The following EXO5 variants were observed in gnomAD, a reference collection of about 807,000 sequenced individuals.
EXO5 encodes the protein exonuclease 5.
EXO5 carries 11 observed loss-of-function variants against 17.8 expected under a neutral mutation model. The observed-to-expected ratio is 0.62, with a 90% CI of 0.39 to 1.02. The LOEUF (loss-of-function observed/expected upper bound fraction) is 1.02, where lower values mean the gene tolerates loss of function less well. Among genes scored for constraint, EXO5 ranks in the 50% least tolerant of loss-of-function variants. The pLI is 0.00. For missense variants in EXO5, 364 were observed against 434.8 expected, an observed-to-expected ratio of 0.84 and a Z score of 1.45; for synonymous variants, 147 against 166.5, an observed-to-expected ratio of 0.88 and a Z score of 0.90.
At chr1:40,513,840 C>T (rs1645826838) in intron 3 of EXO5, among the ~76,000 whole-genome samples, 1 of 151,942 alleles carries the variant, frequency 6.6e-6, no homozygotes, top group Non-Finnish European at 1.5e-5. Flanking sequence ...CTGCCCACCT[C>T]AGCCTCCCAA....
Position 40,515,224 on chromosome 1 carries a change from C to T in EXO5, c.680C>T (p.Ala227Val). The change falls in exon 4 of 4, where the codon GCC becomes GTC. Residue 227 changes from alanine to valine, a missense_variant. Transcript: ENST00000415550. Reference sequence around the variant, plus strand: ...AGCCTATACAAATATATCTTTGATGCCATGGTACAAGGAAAAGTGACCCCT... The same window carrying T: ...AGCCTATACAAATATATCTTTGATGTCATGGTACAAGGAAAAGTGACCCCT... The part of the protein sequence containing the change: ...QVSLYKYIFD[A>V]MVQGKVTPAS... The T allele has an allele frequency of 6.2e-7, 1 of 1,613,946 alleles. No homozygotes were observed. Among genetic ancestry groups the T allele is most frequent in the African/African-American group, 1.3e-5 (1 of 74,984 alleles).
At position 40,515,937 on chromosome 1, in the gene EXO5, T is replaced by C. The variant is rs537559589; in HGVS notation, c.*271T>C. 68 of 338,712 alleles carry C rather than the reference T, an allele frequency of 2.0e-4. No individual in the cohort carries two copies. The highest frequency in any genetic ancestry group is 1.4e-3 in the African/African-American group (65 of 46,698). 21.0% of individuals were successfully genotyped at this position (338,712 alleles called of 1,614,324 possible). A position where few individuals can be genotyped will look rare whatever the true frequency, so the allele number is the denominator to read the frequency against. On this transcript the variant is annotated 3_prime_UTR_variant, in exon 4 of 4. Coordinates refer to ENST00000415550, the MANE Select transcript of EXO5 (RefSeq NM_001346953.2). ...AATGAAGGTATCCTTCAGTAAACTTTGCTTTCCTAAGAAAATTCTTCAGTT... is the reference window on the plus strand; with the variant it reads ...AATGAAGGTATCCTTCAGTAAACTTCGCTTTCCTAAGAAAATTCTTCAGTT...
chr1:40,515,988 C>G lies in EXO5; in HGVS notation c.*322C>G, dbSNP rs746952083. On this transcript the variant is annotated 3_prime_UTR_variant, in exon 4 of 4. Transcript: ENST00000415550. ...TCTGATAAGTCATCCCTATTTTTAT[C>G]TTGATCAAGGCTTTCTACAGTTACA... 1 of 268,948 alleles carries G rather than the reference C, an allele frequency of 3.7e-6. No individual in the cohort carries two copies. Among genetic ancestry groups the G allele is most frequent in the East Asian group, 9.2e-5 (1 of 10,914 alleles). The allele number at this position is 268,948 out of a possible 1,614,324, so 16.7% of individuals were successfully genotyped here. A position where few individuals can be genotyped will look rare whatever the true frequency, so the allele number is the denominator to read the frequency against.
rs554796967 is a variant in EXO5, at chr1:40,511,031, C to T, written c.-31+1241C>T. Among the ~76,000 whole-genome samples, 360 of 152,116 alleles carry T rather than the reference C, an allele frequency of 2.4e-3. 4 individuals carry two copies. Among genetic ancestry groups the T allele is most frequent in the African/African-American group, 8.5e-3 (353 of 41,514 alleles). On this transcript the variant is annotated intron_variant, in intron 3 of 3. Transcript: ENST00000415550. The stretch of plus-strand genomic sequence containing the variant: ...CGGGTGCATCACGAGGTCAGGAGAT[C>T]GAGACCATCCTGGCTAACACGATGA...
chr1:40,512,958 CA>C (rs1241241383), intron 3 of EXO5, among the ~76,000 whole-genome samples: 1 of 152,144 alleles, frequency 6.6e-6, no homozygotes, highest in East Asian at 1.9e-4. Context: ...AAAAGGAGTA[CA>C]GTACCCATCC....
chr1:40,511,833 TAA>T lies in EXO5; in HGVS notation c.-31+2047_-31+2048del, dbSNP rs375784985. Reference sequence around the variant, plus strand: ...GATATGTGGGGTTAGAAGGAAGGCTTAAAAAGAGTATCTTCATAAGATAATTT... The same window carrying T: ...GATATGTGGGGTTAGAAGGAAGGCTTAAAGAGTATCTTCATAAGATAATTT... On this transcript the variant is annotated intron_variant, in intron 3 of 3. Transcript: ENST00000415550. Among the ~76,000 whole-genome samples the T allele has an allele frequency of 7.9e-4, 121 of 152,292 alleles. 6 individuals are homozygous for T. The South Asian group carries it at 0.025, about 32-fold the overall frequency.
intron 3 of EXO5, among the ~76,000 whole-genome samples, chr1:40,510,813 A>G (rs1029979576): frequency 3.3e-5 from 5 of 152,216 alleles, no homozygotes; most frequent in Non-Finnish European, 7.3e-5. Flanking sequence ...ACATATGGCT[A>G]GTGGCTACTA....
rs1345594024 is a variant in EXO5, at chr1:40,508,858, C to T, written c.-314C>T. 1 of 152,352 alleles carries T rather than the reference C, an allele frequency of 6.6e-6. No homozygotes were observed. The highest frequency in any genetic ancestry group is 2.4e-5 in the African/African-American group (1 of 41,444). 9.4% of individuals were successfully genotyped at this position (152,352 alleles called of 1,614,324 possible). On this transcript the variant is annotated 5_prime_UTR_variant, in exon 1 of 4. Coordinates refer to ENST00000415550, the MANE Select transcript of EXO5 (RefSeq NM_001346953.2). The surrounding 1 kb of genome is among the most constrained non-coding windows in gnomAD (Gnocchi z 4.2). ...CGCCGGGAGCGTCCGGGAGCAGCTCCGAGGCCGCGGCGAAACCAGGTGGAG... is the reference window on the plus strand; with the variant it reads ...CGCCGGGAGCGTCCGGGAGCAGCTCTGAGGCCGCGGCGAAACCAGGTGGAG...
At position 40,515,966 on chromosome 1, in the gene EXO5, G is replaced by A. The variant is rs990276351; in HGVS notation, c.*300G>A. On this transcript the variant is annotated 3_prime_UTR_variant, in exon 4 of 4. Transcript: ENST00000415550. ...TTCCTAAGAAAATTCTTCAGTTTCT[G>A]ATAAGTCATCCCTATTTTTATCTTG... 1 of 299,328 alleles carries A rather than the reference G, an allele frequency of 3.3e-6. No individual in the cohort carries two copies. The highest frequency in any genetic ancestry group is 4.8e-5 in the Admixed American group (1 of 20,820). The allele number at this position is 299,328 out of a possible 1,614,324, so 18.5% of individuals were successfully genotyped here.
At chr1:40,514,357 TAACTC>T in intron 3 of EXO5, 153 bp from the exon 4 acceptor site, 1 of 580,290 alleles carries the variant, frequency 1.7e-6, no homozygotes, top group Non-Finnish European at 3.0e-6. Context: ...ACCTGGACTA[TAACTC>T]AAGGCATTAC....
Position 40,515,211 on chromosome 1 carries a change from T to G in EXO5, c.667T>G (p.Tyr223Asp), listed in dbSNP as rs2124494634. ...CTGTTTTCAAGTCAGCCTATACAAATATATCTTTGATGCCATGGTACAAGG... is the reference window on the plus strand; with the variant it reads ...CTGTTTTCAAGTCAGCCTATACAAAGATATCTTTGATGCCATGGTACAAGG... ...KDCFQVSLYKYIFDAMVQGKV... is the reference protein window; with the variant it reads ...KDCFQVSLYKDIFDAMVQGKV... Residue 223 changes from tyrosine to aspartate, a missense_variant, in exon 4 of 4, where the codon TAT (tyrosine) becomes GAT (aspartate). Coordinates refer to ENST00000415550, the MANE Select transcript of EXO5 (RefSeq NM_001346953.2). 1 of 1,613,926 alleles carries G rather than the reference T, an allele frequency of 6.2e-7. No homozygotes were observed. Among genetic ancestry groups the G allele is most frequent in the Non-Finnish European group, 8.5e-7 (1 of 1,179,992 alleles).
intron 3 of EXO5, among the ~76,000 whole-genome samples, chr1:40,512,365 A>G (rs1314153758): frequency 2.0e-5 from 3 of 152,200 alleles, no homozygotes; most frequent in Admixed American, 6.5e-5. Context: ...TATGAGGAGA[A>G]TGTCATTTGG....
rs1470888529 is a variant in EXO5 at position 40,508,949 on chromosome 1, C to T, written c.-264+41C>T. 6.6e-6 allele frequency: 1 copy of T among 152,254 alleles called. No individual in the cohort carries two copies. The highest frequency in any genetic ancestry group is 2.4e-5 in the African/African-American group (1 of 41,432). 9.4% of individuals were successfully genotyped at this position (152,254 alleles called of 1,614,324 possible). ...GAGAATGGGCTGGGAGGCTGCGTTT[C>T]GGAGCTTAGGGTTCTGTCCCTGCGA... On this transcript the variant is annotated intron_variant, in intron 1 of 3. Coordinates refer to ENST00000415550, the MANE Select transcript of EXO5 (RefSeq NM_001346953.2). This position sits in a 1 kb window ranked among gnomAD's most constrained non-coding sequence, Gnocchi z 4.2.
chr1:40,513,051 A>G (rs1488741884), intron 3 of EXO5, among the ~76,000 whole-genome samples: 1 of 152,178 alleles, frequency 6.6e-6, no homozygotes, highest in African/African-American at 2.4e-5. Context: ...CCGCACAATA[A>G]ATATTCTCTA....
chr1:40,515,516 C>T lies in EXO5; in HGVS notation c.972C>T (p.Ala324=). The change falls in exon 4 of 4, where the codon GCC becomes GCT. Residue 324 remains alanine (A), a synonymous_variant. Coordinates refer to ENST00000415550, the MANE Select transcript of EXO5 (RefSeq NM_001346953.2). ...EVRAKVQHYM[A]YWMGHREPQG... is the part of the protein sequence containing the mutation. ...GAGCCAAGGTGCAGCATTATATGGC[C>T]TACTGGATGGGCCACCGAGAGCCCC... The T allele has an allele frequency of 6.2e-7, 1 of 1,603,410 alleles. No individual in the cohort carries two copies. The highest frequency in any genetic ancestry group is 2.3e-5 in the East Asian group (1 of 44,258).
chr1:40,513,965 G>A (rs768291933), intron 3 of EXO5, among the ~76,000 whole-genome samples: 1 of 152,012 alleles, frequency 6.6e-6, no homozygotes, highest in South Asian at 2.1e-4. Context: ...TATGTTAGTG[G>A]AAGATCCAGG....
chr1:40,515,180 G>A lies in EXO5; in HGVS notation c.636G>A (p.Lys212=). The part of the protein sequence containing the change: ...RPMLPLEAQK[K]KDCFQVSLYK... Reference sequence around the variant, plus strand: ...TGCTCCCTCTGGAAGCTCAGAAGAAGAAAGACTGTTTTCAAGTCAGCCTAT... The same window carrying A: ...TGCTCCCTCTGGAAGCTCAGAAGAAAAAAGACTGTTTTCAAGTCAGCCTAT... Residue 212 remains lysine, a synonymous_variant, in exon 4 of 4, where the codon AAG becomes AAA. Transcript: ENST00000415550. 6.2e-7 allele frequency: 1 copy of A among 1,614,112 alleles called. No individual in the cohort carries two copies. The highest frequency in any genetic ancestry group is 8.5e-7 in the Non-Finnish European group (1 of 1,180,024).
rs747624697 is a variant in EXO5, at chr1:40,514,983, T to C, written c.439T>C (p.Phe147Leu). The stretch of plus-strand genomic sequence containing the variant: ...TAAAGAAGATGCTTGGGCAATTAAG[T>C]TTCTGAACATACTTTTGCTGATTCC... ...TTKEDAWAIK[F>L]LNILLLIPTL... Residue 147 changes from phenylalanine (F) to leucine (L), a missense_variant, in exon 4 of 4, where the codon TTT (phenylalanine) becomes CTT (leucine). Transcript: ENST00000415550. The C allele has an allele frequency of 1.9e-6, 3 of 1,614,104 alleles. No individual in the cohort carries two copies. The highest frequency in any genetic ancestry group is 3.3e-5 in the Admixed American group (2 of 60,010).
rs374655125 is a variant in EXO5, at chr1:40,510,238, C to T, written c.-31+448C>T. On this transcript the variant is annotated intron_variant, in intron 3 of 3. Transcript: ENST00000415550. The stretch of plus-strand genomic sequence containing the variant: ...TCAAACTTGTCCTAAGAAACAATAT[C>T]TGTGAAATTAGCCATTTGATGGCTG... Among the ~76,000 whole-genome samples the T allele has an allele frequency of 4.0e-5, 6 of 151,734 alleles. No homozygotes were observed. In the East Asian group the frequency reaches 1.2e-3, roughly 29 times the overall value.
Sources: gnomAD v4.1 joint callset for allele counts (sites outside exome capture counted in the v4.1 genomes callset) on GRCh38, gnomAD v4.1.1 for gene constraint, Gnocchi (gnomAD v3.1) non-coding constraint, MANE v1.5 for transcripts, NCBI Gene and HGNC (gene_info 2026-07-23, HGNC 2026-07-21) for gene names.